PLCH1: variants seen among roughly 807,000 people sequenced by gnomAD.
The protein encoded by PLCH1 is 1-phosphatidylinositol 4,5-bisphosphate phosphodiesterase eta-1.
A neutral mutation model predicts 126.7 loss-of-function variants in PLCH1; 60 were observed. The observed-to-expected ratio is 0.47, with a 90% CI of 0.38 to 0.59. The LOEUF (loss-of-function observed/expected upper bound fraction) is 0.59. Ranked by LOEUF, PLCH1 falls within the 20% of genes least tolerant of loss-of-function variation. The probability of loss-of-function intolerance (pLI) is 0.00; values close to 1 mark genes in which losing one functional copy is unlikely to be tolerated. For missense variants in PLCH1, 1,723 were observed against 2,040.0 expected (o/e 0.84, Z 2.99); for synonymous variants, 719 against 734.9 (o/e 0.98, Z 0.35).
chr3:155,470,403 C>A (rs1359448634), intron 21 of PLCH1, among the ~76,000 whole-genome samples: 2 of 152,088 alleles, frequency 1.3e-5, no homozygotes, highest in African/African-American at 4.8e-5. Flanking sequence ...ACGAGTAAAG[C>A]CTCCAAGAAA....
rs112328750 is a variant in PLCH1, at chr3:155,458,131, C to A, written c.2938+27225G>T. Among the ~76,000 whole-genome samples the A allele has an allele frequency of 2.6e-3, 399 of 152,100 alleles. 2 individuals carry two copies. The highest frequency in any genetic ancestry group is 8.3e-3 in the African/African-American group (346 of 41,490). On this transcript the variant is annotated intron_variant, in intron 21 of 21. Transcript: ENST00000494598. ...CCAAGGCAGGCAGATCACTTGAGGT[C>A]AGGAGTTCAAGACCACCCTGGCCAA...
chr3:155,569,569 T>C (rs1333114923), intron 6 of PLCH1, among the ~76,000 whole-genome samples: 1 of 152,148 alleles, frequency 6.6e-6, no homozygotes, highest in Non-Finnish European at 1.5e-5. Context: ...TATAAATAAA[T>C]GAAACTGCAA....
At chr3:155,526,600 A>G (rs780233709) in intron 10 of PLCH1, among the ~76,000 whole-genome samples, 8 of 151,984 alleles carry the variant, frequency 5.3e-5, no homozygotes, top group Non-Finnish European at 7.4e-5. Flanking sequence ...AGTAGCCAAC[A>G]GCCTGAAAGG....
intron 2 of PLCH1, among the ~76,000 whole-genome samples, chr3:155,677,416 A>G (rs1744179220): frequency 6.6e-6 from 1 of 152,226 alleles, no homozygotes; most frequent in African/African-American, 2.4e-5. Context: ...TCAAAGGTAT[A>G]TGTGGGCACA....
At chr3:155,626,303 A>T (rs1737239754) in intron 2 of PLCH1, among the ~76,000 whole-genome samples, 1 of 152,174 alleles carries the variant, frequency 6.6e-6, no homozygotes, top group Non-Finnish European at 1.5e-5. Context: ...TGTCTCATTG[A>T]CACTGGTAGG....
intron 10 of PLCH1, among the ~76,000 whole-genome samples, chr3:155,525,394 C>T (rs1295160216): frequency 6.6e-6 from 1 of 152,146 alleles, no homozygotes; most frequent in Non-Finnish European, 1.5e-5. Flanking sequence ...TAGGTACTAT[C>T]TATGAGAAAC....
At chr3:155,550,430 A>G (rs1560152573) in intron 9 of PLCH1, among the ~76,000 whole-genome samples, 1 of 152,224 alleles carries the variant, frequency 6.6e-6, no homozygotes, top group South Asian at 2.1e-4. Flanking sequence ...GATTGAGGAT[A>G]AAATAACATA....
At chr3:155,488,204 CT>C (rs58693862) in intron 20 of PLCH1, 97 bp from the exon 21 acceptor site, 11,182 of 563,544 alleles carry the variant, frequency 0.02, 7 homozygotes, top group African/African-American at 0.039. Flanking sequence ...GACTGTAGTT[CT>C]TTTTTTTTTT....
chr3:155,634,308 G>A (rs1006413278), intron 2 of PLCH1, among the ~76,000 whole-genome samples: 5 of 152,144 alleles, frequency 3.3e-5, no homozygotes, highest in Non-Finnish European at 7.4e-5. Context: ...CTTAGAAAAG[G>A]TTCAGACTGT....
chr3:155,732,641 G>A (rs568684428), intron 1 of PLCH1, among the ~76,000 whole-genome samples: 66 of 152,158 alleles, frequency 4.3e-4, no homozygotes, highest in African/African-American at 1.3e-3. Flanking sequence ...ACTTTGGGAA[G>A]CTGAGGCAGG....
At chr3:155,561,149 T>C (rs1008942189) in intron 8 of PLCH1, among the ~76,000 whole-genome samples, 1 of 151,986 alleles carries the variant, frequency 6.6e-6, no homozygotes, top group African/African-American at 2.4e-5. Context: ...ATTATTATTA[T>C]ACTTTAAGTT....
intron 10 of PLCH1, among the ~76,000 whole-genome samples, chr3:155,545,688 C>T (rs1304539685): frequency 3.3e-5 from 5 of 151,886 alleles, no homozygotes; most frequent in African/African-American, 4.8e-5. Context: ...AGCTTATCCA[C>T]CATGATCAAG....
At chr3:155,733,934 CATAT>C (rs35149793) in intron 1 of PLCH1, among the ~76,000 whole-genome samples, 1,673 of 97,474 alleles carry the variant, frequency 0.017, 12 homozygotes, top group East Asian at 0.025. Flanking sequence ...AACAGGTATA[CATAT>C]ATATATATAT....
rs1748022559 is a variant in PLCH1, at chr3:155,722,434, T to TG, written c.-40-18171_-40-18170insC. Among the ~76,000 whole-genome samples the TG allele has an allele frequency of 2.6e-5, 4 of 152,334 alleles. No individual in the cohort carries two copies. In the South Asian group the frequency reaches 6.2e-4, roughly 24 times the overall value. On this transcript the variant is annotated intron_variant, in intron 1 of 22. Coordinates refer to ENST00000460012, the MANE Select transcript of PLCH1 (RefSeq NM_014996.4). Reference sequence around the variant, plus strand: ...ACCCTGGCCTCCCAAAGTGCTGGGATTACAGGCGTGAGCCACTGTGCCTGG... The same window carrying TG: ...ACCCTGGCCTCCCAAAGTGCTGGGATGTACAGGCGTGAGCCACTGTGCCTGG...
At chr3:155,637,789 C>G (rs1480445578) in intron 2 of PLCH1, among the ~76,000 whole-genome samples, 1 of 152,180 alleles carries the variant, frequency 6.6e-6, no homozygotes, top group African/African-American at 2.4e-5. Flanking sequence ...TATGTTTACT[C>G]AGTGGATTTA....
chr3:155,666,167 G>A (rs1327447514), intron 2 of PLCH1, among the ~76,000 whole-genome samples: 1 of 152,122 alleles, frequency 6.6e-6, no homozygotes, highest in Non-Finnish European at 1.5e-5. Context: ...AATTTGACAG[G>A]ACTAATTTCT....
At position 155,549,906 on chromosome 3, in the gene PLCH1, TC is replaced by T. The variant is rs1214487141; in HGVS notation, c.1242del (p.Lys415ArgfsTer6). The T allele has an allele frequency of 6.2e-7, 1 of 1,613,442 alleles. No homozygotes were observed. On this transcript the variant is annotated frameshift_variant, in exon 10 of 23. Coordinates refer to ENST00000460012, the MANE Select transcript of PLCH1 (RefSeq NM_014996.4). LOFTEE classifies it high-confidence loss of function. ...IENHCSIQQQ[R>X]KIAQYLKGIF... Reference sequence around the variant, plus strand: ...ATTCCTTTCAGGTACTGAGCAATCTTCCTTTGCTGCTGGATACTGCAGTGAT... The same window carrying T: ...ATTCCTTTCAGGTACTGAGCAATCTTCTTTGCTGCTGGATACTGCAGTGAT...
chr3:155,577,445 T>C (rs1044108217), intron 6 of PLCH1, among the ~76,000 whole-genome samples: 1 of 152,148 alleles, frequency 6.6e-6, no homozygotes, highest in African/African-American at 2.4e-5. Flanking sequence ...ACTATTTCTC[T>C]CTTTTGTATG....
At chr3:155,704,090 G>C in intron 2 of PLCH1, 56 bp downstream of exon 2, 1 of 740,852 alleles carries the variant, frequency 1.3e-6, no homozygotes, top group Non-Finnish European at 1.9e-6. Context: ...TAGAATAAAA[G>C]TCCTGTCAGA....
Sources: allele counts gnomAD v4.1 joint callset (sites outside exome capture counted in the v4.1 genomes callset), GRCh38; gene constraint gnomAD v4.1.1; transcripts MANE v1.5; gene names NCBI Gene and HGNC (gene_info 2026-07-23, HGNC 2026-07-21).